HK1: variants seen among roughly 807,000 people sequenced by gnomAD.
The protein encoded by HK1 is hexokinase-1.
A neutral mutation model predicts 91.6 loss-of-function variants in HK1; 28 were observed. That is an observed-to-expected ratio of 0.31 (90% CI 0.23 to 0.42). The LOEUF (loss-of-function observed/expected upper bound fraction) is 0.42. HK1 is among the 10% of genes least tolerant of loss of function. The probability of loss-of-function intolerance (pLI) is 1.00; values close to 1 mark genes in which losing one functional copy is unlikely to be tolerated. For synonymous variants in HK1, 430 were observed against 468.1 expected, an observed-to-expected ratio of 0.92 and a Z score of 1.05; for missense variants, 770 against 1,219.8, an observed-to-expected ratio of 0.63 and a Z score of 5.49.
chr10:69,305,330 T>G (rs761203754), intron 5 of HK1, among the ~76,000 whole-genome samples: 2 of 152,184 alleles, frequency 1.3e-5, no homozygotes, highest in Non-Finnish European at 1.5e-5. Flanking sequence ...AATGGAATCT[T>G]TATTCTGGGA....
At chr10:69,392,095 C>T (rs757102838) in intron 14 of HK1, 30 bp from the exon 15 acceptor site, 96 of 1,613,344 alleles carry the variant, frequency 6.0e-5, no homozygotes, top group African/African-American at 2.0e-4. Flanking sequence ...GCAAGGCCAC[C>T]GCTCCTCATT....
At chr10:69,372,942 T>C (rs1401223970) in intron 7 of HK1, among the ~76,000 whole-genome samples, 2 of 152,120 alleles carry the variant, frequency 1.3e-5, no homozygotes, top group African/African-American at 4.8e-5. Flanking sequence ...AATCTCAGCT[T>C]ACTGCAACCT....
At chr10:69,400,852 T>C (rs1840353980) in intron 17 of HK1, 139 bp from the exon 18 acceptor site, 2 of 897,512 alleles carry the variant, frequency 2.2e-6, no homozygotes, top group Admixed American at 1.8e-5. Flanking sequence ...GCTTATGTCC[T>C]GATAAACCCA....
chr10:69,338,079 T>A (rs1456692035), intron 1 of HK1: 1 of 202,518 alleles, frequency 4.9e-6, no homozygotes, highest in Non-Finnish European at 9.5e-6. Flanking sequence ...AGGCTGTGTG[T>A]TCTCTGCTGA....
intron 2 of HK1, among the ~76,000 whole-genome samples, chr10:69,345,903 C>T (rs1036827513): frequency 6.6e-6 from 1 of 152,156 alleles, no homozygotes; most frequent in Admixed American, 6.6e-5. Context: ...GTATTTTTCA[C>T]CCCCTTTTAG....
chr10:69,382,209 C>T (rs1176955481), intron 9 of HK1, among the ~76,000 whole-genome samples: 1 of 152,002 alleles, frequency 6.6e-6, no homozygotes, highest in Admixed American at 6.6e-5. Context: ...GGCAACATGG[C>T]GAAACCCTGT....
chr10:69,369,586 G>A lies in HK1; in HGVS notation c.837G>A (p.Arg279=). Residue 279 remains arginine, a synonymous_variant, in exon 7 of 18, where the codon AGG becomes AGA. Coordinates refer to ENST00000359426, the MANE Select transcript of HK1 (RefSeq NM_000188.3). This position sits in a 1 kb window ranked among gnomAD's most constrained non-coding sequence, Gnocchi z 4.4. ...SLEDIRTEFD[R]EIDRGSLNPG... ...AAGACATCCGGACAGAGTTTGACAG[G>A]GAGATAGACCGGGGATCCCTCAACC... 1 of 1,614,224 alleles carries A rather than the reference G, an allele frequency of 6.2e-7. No homozygotes were observed. The highest frequency in any genetic ancestry group is 8.5e-7 in the Non-Finnish European group (1 of 1,180,046).
intron 8 of HK1, among the ~76,000 whole-genome samples, chr10:69,379,338 T>C (rs1388039195): frequency 6.6e-6 from 1 of 152,194 alleles, no homozygotes; most frequent in Non-Finnish European, 1.5e-5. Context: ...TGTGAGTGTA[T>C]ATGTATGCCT....
chr10:69,395,333 T>G (rs1413287248), intron 16 of HK1, among the ~76,000 whole-genome samples: 4 of 152,098 alleles, frequency 2.6e-5, no homozygotes, highest in African/African-American at 4.8e-5. Flanking sequence ...ATCCCAGCAC[T>G]TTGGGAGGCC....
upstream of HK1, among the ~76,000 whole-genome samples, chr10:69,311,203 A>G (rs1416465071): frequency 6.6e-6 from 1 of 152,204 alleles, no homozygotes; most frequent in Non-Finnish European, 1.5e-5. Context: ...GTTGATGTTA[A>G]TGCTGGTCGG....
chr10:69,389,375 G>A, intron 14 of HK1, 79 bp downstream of exon 14: 1 of 993,694 alleles, frequency 1.0e-6, no homozygotes, highest in Non-Finnish European at 1.6e-6. Flanking sequence ...TGGCCCAGCA[G>A]CTTGGTCCTC....
chr10:69,295,218 G>A (rs1281559900), intron 3 of HK1, among the ~76,000 whole-genome samples: 2 of 152,166 alleles, frequency 1.3e-5, no homozygotes, highest in East Asian at 3.9e-4. Flanking sequence ...GTTCAGTAGG[G>A]ATTAGATGCC....
chr10:69,271,863 C>CT (rs112633140), intron 1 of HK1, among the ~76,000 whole-genome samples: 15 of 150,020 alleles, frequency 1.0e-4, no homozygotes, highest in Non-Finnish European at 2.2e-4. Flanking sequence ...TGTGATTTCT[C>CT]TTTTTTTTTC....
intron 5 of HK1, among the ~76,000 whole-genome samples, chr10:69,368,995 A>G (rs1378873421): frequency 6.6e-6 from 1 of 152,218 alleles, no homozygotes; most frequent in Non-Finnish European, 1.5e-5. Flanking sequence ...ATGTAGCTCC[A>G]TGAGTAAAAT....
At chr10:69,354,792 G>A (rs2132733472) in intron 2 of HK1, among the ~76,000 whole-genome samples, 1 of 152,284 alleles carries the variant, frequency 6.6e-6, no homozygotes, top group South Asian at 2.1e-4. Flanking sequence ...AACAGGCTGG[G>A]CGCAGTGGCT....
chr10:69,396,132 C>T (rs537462597), intron 16 of HK1, among the ~76,000 whole-genome samples: 1 of 151,730 alleles, frequency 6.6e-6, no homozygotes, highest in African/African-American at 2.4e-5. Flanking sequence ...ACTAGCCGGG[C>T]GTGGTGGCAC....
intron 1 of HK1, among the ~76,000 whole-genome samples, chr10:69,320,536 G>A (rs1246121217): frequency 1.3e-5 from 2 of 152,156 alleles, no homozygotes; most frequent in East Asian, 3.8e-4. Flanking sequence ...TTTCTCTAGT[G>A]GTGTTGTGCA....
chr10:69,401,279 T>A lies in HK1; in HGVS notation c.*144T>A. The stretch of plus-strand genomic sequence containing the variant: ...GGAAAGCAAAATCCAACTAATGGTA[T>A]ATATTGTAGGGTACAGAATAGAGCG... On this transcript the variant is annotated 3_prime_UTR_variant, in exon 18 of 18. Transcript: ENST00000359426. 1 of 847,826 alleles carries A rather than the reference T, an allele frequency of 1.2e-6. No individual in the cohort carries two copies. The highest frequency in any genetic ancestry group is 1.9e-6 in the Non-Finnish European group (1 of 524,372). The allele number at this position is 847,826 out of a possible 1,614,324, so 52.5% of individuals were successfully genotyped here.
chr10:69,311,200 T>G (rs1009856998), upstream of HK1, among the ~76,000 whole-genome samples: 1 of 152,196 alleles, frequency 6.6e-6, no homozygotes. Context: ...TCTGTTGATG[T>G]TAATGCTGGT....
Sources: allele counts gnomAD v4.1 joint callset (sites outside exome capture counted in the v4.1 genomes callset), GRCh38; gene constraint gnomAD v4.1.1; non-coding constraint Gnocchi (gnomAD v3.1); transcripts MANE v1.5; gene names NCBI Gene and HGNC (gene_info 2026-07-23, HGNC 2026-07-21).